The following MTRFR variants were observed in gnomAD, a reference collection of about 807,000 sequenced individuals.
MTRFR encodes the protein mitochondrial translation release factor in rescue.
In MTRFR, 10 loss-of-function variants were observed where a neutral mutation model predicts 11.9. The ratio of observed to expected loss-of-function variants is 0.84; its 90% CI spans 0.52 to 1.42. The LOEUF (loss-of-function observed/expected upper bound fraction) is 1.42, where lower values mean the gene tolerates loss of function less well. MTRFR is among the 40% of genes most tolerant of loss of function. MTRFR has a pLI of 0.00. For synonymous variants in MTRFR, 77 were observed against 79.1 expected (o/e 0.97, Z 0.14); for missense variants, 196 against 197.9 (o/e 0.99, Z 0.06).
intron 1 of MTRFR, chr12:123,253,377 G>C: frequency 2.6e-6 from 1 of 382,732 alleles, no homozygotes; most frequent in Admixed American, 3.7e-5. Context: ...TGAGAAAACA[G>C]CACCCCCGGG....
chr12:123,243,151 G>A (rs1326107464), intron 1 of MTRFR, among the ~76,000 whole-genome samples: 2 of 152,018 alleles, frequency 1.3e-5, no homozygotes, highest in African/African-American at 2.4e-5. Flanking sequence ...AGTTTTTAAA[G>A]CACCACTTTC....
At position 123,257,106 on chromosome 12, in the gene MTRFR, C is replaced by G. The variant is rs2048191552; in HGVS notation, c.*75C>G. 3.5e-6 allele frequency: 4 copies of G among 1,139,598 alleles called. No individual in the cohort carries two copies. The highest frequency in any genetic ancestry group is 5.2e-6 in the Non-Finnish European group (4 of 763,746). The allele number at this position is 1,139,598 out of a possible 1,614,324, so 70.6% of individuals were successfully genotyped here. A position where few individuals can be genotyped will look rare whatever the true frequency, so the allele number is the denominator to read the frequency against. ...GAATAATGGTGGCGAGTTCCATCAC[C>G]AGCATTATTATAGTGCTTCAAAAGA... On this transcript the variant is annotated 3_prime_UTR_variant, in exon 3 of 3. Coordinates refer to ENST00000253233, the MANE Select transcript of MTRFR (RefSeq NM_152269.5).
intron 1 of MTRFR, among the ~76,000 whole-genome samples, chr12:123,239,230 C>G (rs979608555): frequency 6.6e-6 from 1 of 152,166 alleles, no homozygotes; most frequent in African/African-American, 2.4e-5. Context: ...GATGGCGCCA[C>G]TATACTCCAG....
In MTRFR at chr12:123,256,831, G is replaced by A. The variant is rs1163469605; in HGVS notation, c.301G>A (p.Val101Ile). Reference protein sequence around the residue: ...IVVKCHQTRSVDQNRKLARKI... With the variant: ...IVVKCHQTRSIDQNRKLARKI... Reference sequence around the variant, plus strand: ...CTTACAGTGCCATCAGACAAGATCAGTTGATCAGAACAGAAAGCTAGCTCG... The same window carrying A: ...CTTACAGTGCCATCAGACAAGATCAATTGATCAGAACAGAAAGCTAGCTCG... Residue 101 changes from valine (V) to isoleucine (I), a missense_variant, in exon 3 of 3, where the codon GTT (valine) becomes ATT (isoleucine). Coordinates refer to ENST00000253233, the MANE Select transcript of MTRFR (RefSeq NM_152269.5). 6.2e-7 allele frequency: 1 copy of A among 1,613,032 alleles called. No homozygotes were observed. The highest frequency in any genetic ancestry group is 8.5e-7 in the Non-Finnish European group (1 of 1,179,064).
At chr12:123,250,948 C>G (rs1377036841) in intron 1 of MTRFR, 1 of 152,194 alleles carries the variant, frequency 6.6e-6, no homozygotes, top group Non-Finnish European at 1.5e-5. Context: ...TAGGGAAGGA[C>G]CATCAGGTGG....
At chr12:123,246,493 C>T (rs991931959) in intron 1 of MTRFR, among the ~76,000 whole-genome samples, 17 of 98,118 alleles carry the variant, frequency 1.7e-4, no homozygotes, top group African/African-American at 3.9e-4. Context: ...TGTTCTTGTG[C>T]CCAGGCTGGA....
chr12:123,234,665 G>A (rs2047809804), intron 1 of MTRFR, among the ~76,000 whole-genome samples: 2 of 152,180 alleles, frequency 1.3e-5, no homozygotes, highest in African/African-American at 4.8e-5. Flanking sequence ...CCAAAGTGCT[G>A]GGATTACAGG....
chr12:123,242,398 T>C (rs1044798892), intron 1 of MTRFR, among the ~76,000 whole-genome samples: 3 of 152,244 alleles, frequency 2.0e-5, no homozygotes, highest in East Asian at 3.8e-4. Flanking sequence ...CATGTCACAA[T>C]GAGCTATAAT....
At chr12:123,254,449 T>A (rs2138794463) in intron 2 of MTRFR, 1 of 177,972 alleles carries the variant, frequency 5.6e-6, no homozygotes, top group African/African-American at 2.4e-5. Context: ...CTGTCATGGC[T>A]GGTTAACATT....
chr12:123,242,287 C>T (rs7313483), intron 1 of MTRFR, among the ~76,000 whole-genome samples: 97,155 of 151,994 alleles, frequency 0.64, 35,494 homozygotes, highest in East Asian at 1. Context: ...AGCCCTACGC[C>T]GAAGCTCACG....
intron 1 of MTRFR, chr12:123,250,284 T>G (rs1818477632): frequency 6.6e-6 from 1 of 152,246 alleles, no homozygotes; most frequent in East Asian, 1.9e-4. Context: ...TCACTTCTTG[T>G]ATCATTTTTT....
At position 123,253,486 on chromosome 12, in the gene MTRFR, G is replaced by A. The variant is rs1365971872; in HGVS notation, c.-28-161G>A. On this transcript the variant is annotated intron_variant, in intron 1 of 2. Transcript: ENST00000253233. Reference sequence around the variant, plus strand: ...AGACAGTGCAAGGCTGAGGAGAGGGGCGTCTTGCTGAATAATGTGTCTCTA... The same window carrying A: ...AGACAGTGCAAGGCTGAGGAGAGGGACGTCTTGCTGAATAATGTGTCTCTA... The A allele has an allele frequency of 4.5e-6, 3 of 670,552 alleles. No individual in the cohort carries two copies. In the African/African-American group the frequency reaches 5.4e-5, roughly 12 times the overall value. The allele number at this position is 670,552 out of a possible 1,614,324, so 41.5% of individuals were successfully genotyped here.
At position 123,233,485 on chromosome 12, in the gene MTRFR, T is replaced by TG. The variant is rs1223787022; in HGVS notation, c.-73dup. On this transcript the variant is annotated 5_prime_UTR_variant, in exon 1 of 3. Transcript: ENST00000253233. ...TTGCGAATCCTCCGCTGAGGTGATT[T>TG]GGATATCCCTAGAACGTTGAGGGCA... 1 of 152,270 alleles carries TG rather than the reference T, an allele frequency of 6.6e-6. No homozygotes were observed. The highest frequency in any genetic ancestry group is 1.5e-5 in the Non-Finnish European group (1 of 68,068). The allele number at this position is 152,270 out of a possible 1,614,324, so 9.4% of individuals were successfully genotyped here. A position where few individuals can be genotyped will look rare whatever the true frequency, so the allele number is the denominator to read the frequency against.
At chr12:123,239,435 A>G (rs1555235623) in intron 1 of MTRFR, among the ~76,000 whole-genome samples, 1 of 151,608 alleles carries the variant, frequency 6.6e-6, no homozygotes, top group East Asian at 1.9e-4. Flanking sequence ...ACAGAGTTTC[A>G]CTCTGTTGCC....
At position 123,253,692 on chromosome 12, in the gene MTRFR, AT is replaced by A; in HGVS notation, c.21del (p.His8IlefsTer6). On this transcript the variant is annotated frameshift_variant, in exon 2 of 3. Transcript: ENST00000253233. LOFTEE classifies it high-confidence loss of function. The stretch of plus-strand genomic sequence containing the variant: ...CGTTCCTTATGAGCACCGTGGGTTT[AT>A]TTCATTTTCCTACACCACTGACCCG... MSTVGL[F>X]HFPTPLTRIC... 1 of 1,614,124 alleles carries A rather than the reference AT, an allele frequency of 6.2e-7. No individual in the cohort carries two copies. Among genetic ancestry groups the A allele is most frequent in the Non-Finnish European group, 8.5e-7 (1 of 1,180,018 alleles).
rs899736391 is a variant in MTRFR, at chr12:123,239,173, G to A, written c.-29+5642G>A. Among the ~76,000 whole-genome samples, 6 of 152,178 alleles carry A rather than the reference G, an allele frequency of 3.9e-5. No homozygotes were observed. In the East Asian group the frequency reaches 7.7e-4, roughly 20 times the overall value. Reference sequence around the variant, plus strand: ...AGTTCCAACTACTCAGGAGGCTGCGGTGAGAGGATGGCTAGAGCCTGGAAG... The same window carrying A: ...AGTTCCAACTACTCAGGAGGCTGCGATGAGAGGATGGCTAGAGCCTGGAAG... On this transcript the variant is annotated intron_variant, in intron 1 of 2. Coordinates refer to ENST00000253233, the MANE Select transcript of MTRFR (RefSeq NM_152269.5).
At chr12:123,250,965 AG>A (rs1172769695) in intron 1 of MTRFR, 2 of 152,100 alleles carry the variant, frequency 1.3e-5, no homozygotes, top group Admixed American at 6.6e-5. Flanking sequence ...GTGGGGGTGG[AG>A]CTAGGCGTGT....
chr12:123,242,499 A>G (rs886345843), intron 1 of MTRFR, among the ~76,000 whole-genome samples: 2 of 152,156 alleles, frequency 1.3e-5, no homozygotes, highest in African/African-American at 2.4e-5. Flanking sequence ...CCTTTGGGGA[A>G]GTGGAACCAT....
intron 1 of MTRFR, among the ~76,000 whole-genome samples, chr12:123,238,616 A>G (rs1029046050): frequency 3.9e-5 from 6 of 152,106 alleles, no homozygotes; most frequent in African/African-American, 1.2e-4. Flanking sequence ...ACTTTTTTAG[A>G]AAAGAAAAAG....
Sources: gnomAD v4.1 joint callset for allele counts (sites outside exome capture counted in the v4.1 genomes callset) on GRCh38, gnomAD v4.1.1 for gene constraint, MANE v1.5 for transcripts, NCBI Gene and HGNC (gene_info 2026-07-23, HGNC 2026-07-21) for gene names.